CNTNAP2: variants seen among roughly 807,000 people sequenced by gnomAD.
The protein encoded by CNTNAP2 is contactin-associated protein-like 2.
Under a neutral mutation model 155.2 loss-of-function variants are expected in CNTNAP2, and 98 were observed. The observed-to-expected ratio is 0.63, with a 90% confidence interval of 0.54 to 0.75. The LOEUF (loss-of-function observed/expected upper bound fraction) is 0.75, where lower values mean the gene tolerates loss of function less well. Ranked by LOEUF, CNTNAP2 falls within the 30% of genes least tolerant of loss-of-function variation. The pLI, the probability that CNTNAP2 is intolerant of heterozygous loss-of-function variation, is 0.00. For synonymous variants in CNTNAP2, 651 were observed against 631.2 expected, an observed-to-expected ratio of 1.03 and a Z score of -0.47; for missense variants, 1,727 against 1,688.1, an observed-to-expected ratio of 1.02 and a Z score of -0.40.
At chr7:147,474,296 A>G (rs973364319) in intron 10 of CNTNAP2, among the ~76,000 whole-genome samples, 2 of 151,804 alleles carry the variant, frequency 1.3e-5, no homozygotes, top group Admixed American at 1.3e-4. Flanking sequence ...AGTTTTTTAA[A>G]AAGTGTGACA....
intron 12 of CNTNAP2, among the ~76,000 whole-genome samples, chr7:147,620,529 T>C (rs1269557374): frequency 1.3e-5 from 2 of 149,988 alleles, no homozygotes; most frequent in East Asian, 3.9e-4. Flanking sequence ...CATATAATTA[T>C]ATATTTTTTA....
At chr7:147,073,328 A>C (rs199986998) in intron 4 of CNTNAP2, among the ~76,000 whole-genome samples, 12 of 142,494 alleles carry the variant, frequency 8.4e-5, no homozygotes, top group Middle Eastern at 3.5e-3. Flanking sequence ...AAAAAAAAAA[A>C]CCACAAATAC....
chr7:146,319,116 G>A (rs755359256), intron 1 of CNTNAP2, among the ~76,000 whole-genome samples: 2 of 151,982 alleles, frequency 1.3e-5, no homozygotes, highest in Non-Finnish European at 2.9e-5. Context: ...CAATCTTTTT[G>A]TTCTCCATGA....
At chr7:146,199,562 C>A (rs1798827002) in intron 1 of CNTNAP2, among the ~76,000 whole-genome samples, 1 of 152,186 alleles carries the variant, frequency 6.6e-6, no homozygotes, top group Admixed American at 6.5e-5. Context: ...TTTATCACTG[C>A]ACATGACTGG....
intron 10 of CNTNAP2, among the ~76,000 whole-genome samples, chr7:147,437,056 G>A (rs186340624): frequency 8.8e-4 from 134 of 151,972 alleles, no homozygotes; most frequent in African/African-American, 2.9e-3. Flanking sequence ...TCCAGCTGAG[G>A]GAACTGCTAA....
chr7:146,878,048 G>C (rs1317007857), intron 3 of CNTNAP2, among the ~76,000 whole-genome samples: 1 of 152,074 alleles, frequency 6.6e-6, no homozygotes, highest in Non-Finnish European at 1.5e-5. Context: ...ATGTCTCCTG[G>C]AAACACAATT....
In CNTNAP2 at chr7:147,618,666, T is replaced by C. The variant is rs1367807496; in HGVS notation, c.1898-20440T>C. ...TATATATATAATAACAGCTATTATA[T>C]ATATAATAACAGCTATTATATATAT... On this transcript the variant is annotated intron_variant, in intron 12 of 23. Transcript: ENST00000361727. 1.9e-3 allele frequency among the ~76,000 whole-genome samples: 284 copies of C among 148,286 alleles called. 1 individual carries two copies. Among genetic ancestry groups the C allele is most frequent in the African/African-American group, 7.1e-3 (279 of 39,254 alleles).
At chr7:147,786,918 A>G (rs763219708) in intron 13 of CNTNAP2, among the ~76,000 whole-genome samples, 3 of 151,848 alleles carry the variant, frequency 2.0e-5, no homozygotes, top group South Asian at 2.1e-4. Context: ...GCAGTGAGCT[A>G]TGATCATGCC....
At chr7:148,383,614 G>A (rs1039804090) in intron 21 of CNTNAP2, 35 bp from the exon 22 acceptor site, 11 of 1,614,062 alleles carry the variant, frequency 6.8e-6, no homozygotes, top group African/African-American at 1.3e-5. Flanking sequence ...ACTATGGTGA[G>A]TCAAGTAACA....
Position 146,843,853 on chromosome 7 carries a change from G to A in CNTNAP2, c.402+3949G>A, listed in dbSNP as rs28382283. ...GACTTGAAGAGAATTCTGATATAGAGAAGATTGGATGGCTTTTTGATGGAA... is the reference window on the plus strand; with the variant it reads ...GACTTGAAGAGAATTCTGATATAGAAAAGATTGGATGGCTTTTTGATGGAA... On this transcript the variant is annotated intron_variant, in intron 3 of 23. Coordinates refer to ENST00000361727, the MANE Select transcript of CNTNAP2 (RefSeq NM_014141.6). Among the ~76,000 whole-genome samples the A allele has an allele frequency of 6.1e-3, 928 of 152,158 alleles. 10 individuals are homozygous for A. Among genetic ancestry groups the A allele is most frequent in the African/African-American group, 0.021 (860 of 41,538 alleles).
At chr7:147,248,417 T>A (rs997221791) in intron 8 of CNTNAP2, among the ~76,000 whole-genome samples, 8 of 152,140 alleles carry the variant, frequency 5.3e-5, no homozygotes, top group Admixed American at 3.9e-4. Flanking sequence ...GCAGTCTTGG[T>A]TGAGTGCAAG....
intron 20 of CNTNAP2, among the ~76,000 whole-genome samples, chr7:148,246,294 C>T (rs1334540823): frequency 6.6e-6 from 1 of 152,174 alleles, no homozygotes; most frequent in Non-Finnish European, 1.5e-5. Flanking sequence ...ATATCAAGGA[C>T]TTTAACTATA....
At chr7:147,587,819 G>A (rs1207308014) in intron 12 of CNTNAP2, among the ~76,000 whole-genome samples, 1 of 152,104 alleles carries the variant, frequency 6.6e-6, no homozygotes, top group African/African-American at 2.4e-5. Flanking sequence ...ATACTTTATT[G>A]TGTGTGTTTT....
chr7:146,738,715 T>A (rs1801660640), intron 1 of CNTNAP2, among the ~76,000 whole-genome samples: 1 of 151,940 alleles, frequency 6.6e-6, no homozygotes, highest in African/African-American at 2.4e-5. Flanking sequence ...GGGATGTAAT[T>A]TCATCATTTC....
At chr7:146,503,720 C>G (rs1417993531) in intron 1 of CNTNAP2, among the ~76,000 whole-genome samples, 1 of 152,112 alleles carries the variant, frequency 6.6e-6, no homozygotes, top group Admixed American at 6.6e-5. Flanking sequence ...GTTCTTGGTG[C>G]CTTTGTCAAA....
At chr7:147,891,010 A>G (rs1799681216) in intron 13 of CNTNAP2, among the ~76,000 whole-genome samples, 2 of 152,226 alleles carry the variant, frequency 1.3e-5, no homozygotes, top group African/African-American at 4.8e-5. Context: ...CAGTGCATAC[A>G]TATTTCAAAA....
chr7:147,581,937 T>C (rs927965796), intron 12 of CNTNAP2, among the ~76,000 whole-genome samples: 3 of 152,110 alleles, frequency 2.0e-5, no homozygotes, highest in African/African-American at 7.2e-5. Flanking sequence ...TGGAATGTAA[T>C]GTGAGATTAT....
At chr7:146,530,939 C>T (rs894611328) in intron 1 of CNTNAP2, among the ~76,000 whole-genome samples, 3 of 152,148 alleles carry the variant, frequency 2.0e-5, no homozygotes, top group Non-Finnish European at 2.9e-5. Context: ...TGCGTCACAC[C>T]ACTATTCACA....
intron 21 of CNTNAP2, among the ~76,000 whole-genome samples, chr7:148,301,861 G>C (rs1310279231): frequency 6.6e-6 from 1 of 152,190 alleles, no homozygotes; most frequent in Non-Finnish European, 1.5e-5. Context: ...GGGTGACTTT[G>C]AGGGACTCTG....
Sources: gnomAD v4.1 joint callset for allele counts (sites outside exome capture counted in the v4.1 genomes callset) on GRCh38, gnomAD v4.1.1 for gene constraint, MANE v1.5 for transcripts, NCBI Gene and HGNC (gene_info 2026-07-23, HGNC 2026-07-21) for gene names.